SUPT3H: variants seen among roughly 807,000 people sequenced by gnomAD.
The protein encoded by SUPT3H is SPT3 homolog, SAGA and STAGA complex component.
A neutral mutation model predicts 44.3 loss-of-function variants in SUPT3H; 44 were observed. That is an observed-to-expected ratio of 0.99 (90% CI 0.78 to 1.28). The LOEUF (loss-of-function observed/expected upper bound fraction) is 1.28, where lower values mean the gene tolerates loss of function less well. Among genes scored for constraint, SUPT3H ranks in the 50% most tolerant of loss-of-function variants. The probability of loss-of-function intolerance (pLI) is 0.00; values close to 1 mark genes in which losing one functional copy is unlikely to be tolerated. For synonymous variants in SUPT3H, 124 were observed against 125.6 expected (o/e 0.99, Z 0.09); for missense variants, 380 against 387.1 (o/e 0.98, Z 0.15).
chr6:44,838,823 T>A (rs1224080534), intron 10 of SUPT3H, among the ~76,000 whole-genome samples: 1 of 152,224 alleles, frequency 6.6e-6, no homozygotes, highest in Non-Finnish European at 1.5e-5. Flanking sequence ...GCATGCCTCT[T>A]CCATGCCTTT....
chr6:44,919,795 T>C (rs1239534713), intron 10 of SUPT3H, among the ~76,000 whole-genome samples: 1 of 152,180 alleles, frequency 6.6e-6, no homozygotes, highest in South Asian at 2.1e-4. Flanking sequence ...TCGCCTGCAA[T>C]ATTGCAGTGC....
chr6:45,328,501 T>C lies in SUPT3H; in HGVS notation c.101+36700A>G. 5 of 1,530,574 alleles carry C rather than the reference T, an allele frequency of 3.3e-6. No homozygotes were observed. The South Asian group carries it at 4.5e-5, about 14-fold the overall frequency. The allele number at this position is 1,530,574 out of a possible 1,614,324, so 94.8% of individuals were successfully genotyped here. A position where few individuals can be genotyped will look rare whatever the true frequency, so the allele number is the denominator to read the frequency against. On this transcript the variant is annotated intron_variant, in intron 2 of 10. Coordinates refer to ENST00000371459, the MANE Select transcript of SUPT3H (RefSeq NM_003599.4). ...CCACAGTCTATGCAGTAATAGTAGG[T>C]CCTTCAAATATTTGCTCATTCTCTT...
intron 2 of SUPT3H, among the ~76,000 whole-genome samples, chr6:45,123,850 T>C (rs1032304017): frequency 6.6e-6 from 1 of 152,232 alleles, no homozygotes; most frequent in African/African-American, 2.4e-5. Context: ...GAATGGTCAC[T>C]GCAATCTGAA....
At chr6:44,991,265 A>G (rs921455956) in intron 6 of SUPT3H, among the ~76,000 whole-genome samples, 3 of 152,172 alleles carry the variant, frequency 2.0e-5, no homozygotes, top group Non-Finnish European at 4.4e-5. Flanking sequence ...GAATTTCTAT[A>G]GCAATGCAAA....
chr6:45,167,512 T>G (rs1014359839), intron 2 of SUPT3H, among the ~76,000 whole-genome samples: 4 of 152,246 alleles, frequency 2.6e-5, no homozygotes, highest in Middle Eastern at 3.2e-3. Context: ...CCAATTTTTC[T>G]CAACCTTTTT....
chr6:45,243,528 T>A (rs1461321753), intron 2 of SUPT3H, among the ~76,000 whole-genome samples: 2 of 152,114 alleles, frequency 1.3e-5, no homozygotes, highest in Admixed American at 1.3e-4. Context: ...ACACAAATTA[T>A]GAATCTCATT....
chr6:44,912,803 T>A (rs1767258327), intron 10 of SUPT3H, among the ~76,000 whole-genome samples: 1 of 152,314 alleles, frequency 6.6e-6, no homozygotes, highest in South Asian at 2.1e-4. Flanking sequence ...TGATAGTTGA[T>A]ACAGAAGGAA....
chr6:45,033,322 T>TA (rs200894714), intron 3 of SUPT3H, among the ~76,000 whole-genome samples: 2,113 of 151,912 alleles, frequency 0.014, 58 homozygotes, highest in African/African-American at 0.049. Context: ...CATGGAGATT[T>TA]AAAAAATCTA....
intron 6 of SUPT3H, among the ~76,000 whole-genome samples, chr6:44,986,636 T>C (rs1779833712): frequency 6.6e-6 from 1 of 152,156 alleles, no homozygotes; most frequent in Non-Finnish European, 1.5e-5. Context: ...CTAAGCAAAG[T>C]AATTAAAGTA....
chr6:44,966,614 A>G (rs1353473593), intron 6 of SUPT3H, among the ~76,000 whole-genome samples: 1 of 152,158 alleles, frequency 6.6e-6, no homozygotes, highest in East Asian at 1.9e-4. Context: ...TAAGGTATAC[A>G]AAGTTTCTCA....
intron 2 of SUPT3H, among the ~76,000 whole-genome samples, chr6:45,308,948 G>A (rs1428596043): frequency 1.3e-5 from 2 of 149,670 alleles, no homozygotes; most frequent in Non-Finnish European, 3.0e-5. Context: ...CACTGTTTAT[G>A]CCTTTTAAAA....
At chr6:45,120,432 A>AAAAAAAAAAAAAC in intron 2 of SUPT3H, among the ~76,000 whole-genome samples, 2 of 148,498 alleles carry the variant, frequency 1.3e-5, no homozygotes, top group Non-Finnish European at 3.0e-5. Context: ...AAAAAAAAAA[A>AAAAAAAAAAAAAC]AAAAAAAAAG....
intron 5 of SUPT3H, among the ~76,000 whole-genome samples, chr6:45,011,954 G>A (rs746492793): frequency 3.3e-5 from 5 of 151,660 alleles, no homozygotes; most frequent in South Asian, 2.1e-4. Context: ...TAAGTTTCTC[G>A]GTGGAGAAGT....
chr6:45,037,653 G>C (rs985025535), intron 3 of SUPT3H, among the ~76,000 whole-genome samples: 1 of 151,034 alleles, frequency 6.6e-6, no homozygotes, highest in East Asian at 1.9e-4. Context: ...GACAGAGCGA[G>C]ACTCCATATT....
At chr6:44,913,001 ACT>A (rs1767294160) in intron 10 of SUPT3H, among the ~76,000 whole-genome samples, 1 of 152,026 alleles carries the variant, frequency 6.6e-6, no homozygotes, top group Admixed American at 6.6e-5. Flanking sequence ...GAAATACTTG[ACT>A]CTCATTCTTC....
chr6:45,217,924 T>C (rs758278736), intron 2 of SUPT3H, among the ~76,000 whole-genome samples: 1 of 150,684 alleles, frequency 6.6e-6, no homozygotes, highest in Non-Finnish European at 1.5e-5. Context: ...AAAACATATA[T>C]ATGAAGCAAG....
At chr6:45,049,883 G>T (rs568069465) in intron 3 of SUPT3H, among the ~76,000 whole-genome samples, 1 of 151,896 alleles carries the variant, frequency 6.6e-6, no homozygotes, top group African/African-American at 2.4e-5. Context: ...TAATAATATG[G>T]AAAAATTCAT....
intron 7 of SUPT3H, chr6:44,955,474 GA>G (rs1774975346): frequency 6.6e-6 from 1 of 152,296 alleles, no homozygotes; most frequent in Non-Finnish European, 1.5e-5. Context: ...CTTCCCTGGC[GA>G]CCTGCGTGGG....
chr6:45,042,155 G>A (rs1448630414), intron 3 of SUPT3H, among the ~76,000 whole-genome samples: 1 of 152,176 alleles, frequency 6.6e-6, no homozygotes, highest in Non-Finnish European at 1.5e-5. Context: ...GGGCGTGGTG[G>A]CTCACACCTA....
Sources: allele counts gnomAD v4.1 joint callset (sites outside exome capture counted in the v4.1 genomes callset), GRCh38; gene constraint gnomAD v4.1.1; transcripts MANE v1.5; gene names NCBI Gene and HGNC (gene_info 2026-07-23, HGNC 2026-07-21).